PKD1L1: variants seen among roughly 807,000 people sequenced by gnomAD.
PKD1L1 encodes the protein polycystin 1 like 1, transient receptor potential channel interacting.
PKD1L1 carries 236 observed loss-of-function variants against 323.4 expected under a neutral mutation model. The ratio of observed to expected loss-of-function variants is 0.73; its 90% CI spans 0.66 to 0.81. PKD1L1 has a LOEUF of 0.81. Among genes scored for constraint, PKD1L1 ranks in the 40% least tolerant of loss-of-function variants. The pLI, the probability that PKD1L1 is intolerant of heterozygous loss-of-function variation, is 0.00. For missense variants in PKD1L1, 3,320 were observed against 3,508.0 expected (o/e 0.95, Z 1.35); for synonymous variants, 1,344 against 1,335.0 (o/e 1.01, Z -0.15).
At chr7:47,940,650 G>C (rs1787966831) in intron 2 of PKD1L1, among the ~76,000 whole-genome samples, 1 of 152,238 alleles carries the variant, frequency 6.6e-6, no homozygotes, top group Non-Finnish European at 1.5e-5. Context: ...CTGCTCAGGG[G>C]TGTGTAGTAG....
chr7:47,807,137 C>T (rs538487946), intron 52 of PKD1L1, among the ~76,000 whole-genome samples: 1 of 152,088 alleles, frequency 6.6e-6, no homozygotes, highest in East Asian at 1.9e-4. Flanking sequence ...CTTGCTTGTG[C>T]GAGTGTTCTG....
chr7:47,931,388 G>A (rs773596535), intron 5 of PKD1L1, 67 bp from the exon 6 acceptor site: 105 of 1,534,758 alleles, frequency 6.8e-5, no homozygotes, highest in Middle Eastern at 1.8e-4. Context: ...GCTGATGTCC[G>A]CCATGCTCAA....
intron 26 of PKD1L1, among the ~76,000 whole-genome samples, chr7:47,862,539 G>C (rs1786055835): frequency 6.6e-6 from 1 of 152,186 alleles, no homozygotes; most frequent in African/African-American, 2.4e-5. Context: ...ATTCCAGTGG[G>C]GGAAGAGCAG....
At chr7:47,940,647 G>T (rs1787966788) in intron 2 of PKD1L1, among the ~76,000 whole-genome samples, 1 of 152,236 alleles carries the variant, frequency 6.6e-6, no homozygotes, top group African/African-American at 2.4e-5. Context: ...GTCCTGCTCA[G>T]GGGTGTGTAG....
At chr7:47,807,501 C>T (rs1784804865) in intron 52 of PKD1L1, among the ~76,000 whole-genome samples, 1 of 152,056 alleles carries the variant, frequency 6.6e-6, no homozygotes, top group Admixed American at 6.5e-5. Context: ...GGCCCTGGGG[C>T]CCTGACCACC....
At chr7:47,860,180 C>G (rs557591952) in intron 26 of PKD1L1, among the ~76,000 whole-genome samples, 1 of 152,310 alleles carries the variant, frequency 6.6e-6, no homozygotes, top group South Asian at 2.1e-4. Context: ...CCCACAATGC[C>G]ATGATCACAT....
rs1271986365 is a variant in PKD1L1 at position 47,940,198 on chromosome 7, G to A, written c.280C>T (p.Gln94Ter). The A allele has an allele frequency of 1.9e-6, 3 of 1,614,068 alleles. No individual in the cohort carries two copies. Among genetic ancestry groups the A allele is most frequent in the Non-Finnish European group, 2.5e-6 (3 of 1,180,040 alleles). The change falls in exon 3 of 57, where the codon CAG becomes TAG. Residue 94 changes from glutamine to a stop codon, truncating the protein, a stop_gained. Transcript: ENST00000289672. LOFTEE classifies it high-confidence loss of function. Reference protein sequence around the residue: ...SQSPSSSASRQKNIWKTTSEA... With the variant: ...SQSPSSSASR ...TTCCCCAGATCCAGGAATACCTTCT[G>A]CCTGGAAGCTGATGAGGATGGGCTC...
Position 47,830,085 on chromosome 7 carries a change from C to T in PKD1L1, c.6513G>A (p.Leu2171=), listed in dbSNP as rs756698853. The T allele has an allele frequency of 1.2e-6, 2 of 1,614,164 alleles. No individual in the cohort carries two copies. Among genetic ancestry groups the T allele is most frequent in the South Asian group, 1.1e-5 (1 of 91,078 alleles). The change falls in exon 43 of 57, where the codon CTG becomes CTA. Residue 2171 remains leucine, a synonymous_variant. Transcript: ENST00000289672. ...QEQCVQWLHL[L]SLSVVCCIFI... Reference sequence around the variant, plus strand: ...AAATACAGCAGACCACGGAGAGGGACAGCAGGTGCAGCCACTGCACACATT... The same window carrying T: ...AAATACAGCAGACCACGGAGAGGGATAGCAGGTGCAGCCACTGCACACATT...
chr7:47,933,780 C>A (rs145827975), intron 4 of PKD1L1, among the ~76,000 whole-genome samples: 2 of 152,294 alleles, frequency 1.3e-5, no homozygotes, highest in African/African-American at 2.4e-5. Context: ...GATAAGGACA[C>A]GCGCACACTC....
At chr7:47,909,379 C>T (rs550731207) in intron 8 of PKD1L1, among the ~76,000 whole-genome samples, 10 of 152,300 alleles carry the variant, frequency 6.6e-5, no homozygotes, top group African/African-American at 1.9e-4. Flanking sequence ...GGCTCCACTG[C>T]TCAGACGGCC....
In PKD1L1 at chr7:47,813,193, T is replaced by C. The variant is rs764473152; in HGVS notation, c.7274A>G (p.Gln2425Arg). The change falls in exon 49 of 57, where the codon CAA becomes CGA. Residue 2425 changes from glutamine to arginine, a missense_variant. Transcript: ENST00000289672. The stretch of plus-strand genomic sequence containing the variant: ...CCCAGGACCATTCAGGGTCACGTTT[T>C]GGTTCTCTGGGTCTATCAGGTAGGG... ...ENPYLIDPENQNVTLNGPGGC... is the reference protein window; with the variant it reads ...ENPYLIDPENRNVTLNGPGGC... 1.9e-6 allele frequency: 3 copies of C among 1,614,206 alleles called. 1 individual carries two copies. Among genetic ancestry groups the C allele is most frequent in the South Asian group, 2.2e-5 (2 of 91,078 alleles).
intron 4 of PKD1L1, among the ~76,000 whole-genome samples, chr7:47,934,810 C>T (rs1787836559): frequency 6.6e-6 from 1 of 152,060 alleles, no homozygotes; most frequent in Non-Finnish European, 1.5e-5. Flanking sequence ...AGTACCCCCA[C>T]CAGGCTTAAC....
intron 4 of PKD1L1, among the ~76,000 whole-genome samples, chr7:47,933,153 G>A (rs899781529): frequency 2.6e-5 from 4 of 152,166 alleles, no homozygotes; most frequent in Admixed American, 6.5e-5. Flanking sequence ...GACAGCAGTC[G>A]TGTCTCACTC....
At chr7:47,844,274 C>T (rs945152562) in intron 33 of PKD1L1, among the ~76,000 whole-genome samples, 3 of 152,130 alleles carry the variant, frequency 2.0e-5, no homozygotes, top group Non-Finnish European at 4.4e-5. Context: ...ACCAACTAGT[C>T]TATAAAGTAA....
At chr7:47,936,805 T>C (rs780278650) in intron 4 of PKD1L1, 41 bp downstream of exon 4, 11 of 1,420,216 alleles carry the variant, frequency 7.7e-6, no homozygotes, top group African/African-American at 1.4e-5. Context: ...GTCATTTGCA[T>C]GTTCAGAAAA....
chr7:47,959,756 G>T, the PKD1L1 span, among the ~76,000 whole-genome samples: 1 of 145,164 alleles, frequency 6.9e-6, no homozygotes, highest in Non-Finnish European at 1.5e-5. Context: ...GGAGGGGTCA[G>T]CCCCCCGCCC....
chr7:47,914,113 G>A (rs558330257), intron 8 of PKD1L1, among the ~76,000 whole-genome samples: 3 of 152,302 alleles, frequency 2.0e-5, no homozygotes, highest in Middle Eastern at 3.4e-3. Context: ...GAATGGATAC[G>A]CTAAAGAAAC....
At position 47,843,091 on chromosome 7, in the gene PKD1L1, T is replaced by A; in HGVS notation, c.5316A>T (p.Arg1772Ser). The A allele has an allele frequency of 6.2e-7, 1 of 1,613,950 alleles. No individual in the cohort carries two copies. Among genetic ancestry groups the A allele is most frequent in the Non-Finnish European group, 8.5e-7 (1 of 1,179,902 alleles). ...ILYGFLVAKS[R>S]QVDHHEKKKA... ...TCTTTTTTTCATGATGATCTACTTGTCTACTTTTAGCGACCAAAAATCCAT... is the reference window on the plus strand; with the variant it reads ...TCTTTTTTTCATGATGATCTACTTGACTACTTTTAGCGACCAAAAATCCAT... Residue 1772 changes from arginine (R) to serine (S), a missense_variant, in exon 34 of 57, where the codon AGA becomes AGT. By Grantham distance (110) the Arg-to-Ser change is moderately radical. Transcript: ENST00000289672.
intron 36 of PKD1L1, among the ~76,000 whole-genome samples, chr7:47,838,902 G>C (rs59075342): frequency 1.5e-5 from 2 of 136,242 alleles, no homozygotes; most frequent in Non-Finnish European, 3.2e-5. Context: ...AAAAAAGAAA[G>C]AAAGTGCAAA....
Sources: allele counts gnomAD v4.1 joint callset (sites outside exome capture counted in the v4.1 genomes callset), GRCh38; gene constraint gnomAD v4.1.1; transcripts MANE v1.5; gene names NCBI Gene and HGNC (gene_info 2026-07-23, HGNC 2026-07-21).